KNTC1: variants seen among roughly 807,000 people sequenced by gnomAD.
KNTC1 encodes kinetochore associated 1, also known as kinetochore-associated protein 1.
In KNTC1, 253 loss-of-function variants were observed where a neutral mutation model predicts 314.4. The observed-to-expected ratio is 0.80, with a 90% CI of 0.73 to 0.89. The LOEUF (loss-of-function observed/expected upper bound fraction) is 0.89. KNTC1 is among the 40% of genes least tolerant of loss of function. KNTC1 has a pLI of 0.00. For missense variants in KNTC1, 2,475 were observed against 2,572.9 expected (o/e 0.96, Z 0.82); for synonymous variants, 901 against 901.4 (o/e 1.00, Z 0.01).
chr12:122,590,338 A>C (rs1165119199), intron 40 of KNTC1, among the ~76,000 whole-genome samples: 5 of 152,262 alleles, frequency 3.3e-5, no homozygotes, highest in South Asian at 4.1e-4. Flanking sequence ...TACTCTTCAG[A>C]TAGTCATAAA....
rs527785528 is a variant in KNTC1, at chr12:122,570,127, G to A, written c.1860+303G>A. ...CAAAACAATTTAACTCACGGCCATA[G>A]AGAGTAGGAGGATGGTTACCAGAGG... On this transcript the variant is annotated intron_variant, in intron 22 of 63. Coordinates refer to ENST00000333479, the MANE Select transcript of KNTC1 (RefSeq NM_014708.6). Among the ~76,000 whole-genome samples the A allele has an allele frequency of 1.3e-5, 2 of 152,290 alleles. 1 individual carries two copies. Among genetic ancestry groups the A allele is most frequent in the South Asian group, 4.1e-4 (2 of 4,828 alleles).
At chr12:122,530,942 C>T (rs1593466618) in intron 2 of KNTC1, among the ~76,000 whole-genome samples, 1 of 152,160 alleles carries the variant, frequency 6.6e-6, no homozygotes, top group South Asian at 2.1e-4. Context: ...ACCATTCTTG[C>T]TTCATGCCTG....
intron 45 of KNTC1, 158 bp from the exon 46 acceptor site, chr12:122,602,411 A>G (rs1191800747): frequency 1.9e-6 from 1 of 539,822 alleles, no homozygotes; most frequent in East Asian, 3.0e-5. Flanking sequence ...GTTTAGATGA[A>G]TAATGTTAAA....
rs1345089149 is a variant in KNTC1 at position 122,603,013 on chromosome 12, CCTTTT to C, written c.4885-9_4885-5del. 3.1e-6 allele frequency: 5 copies of C among 1,609,852 alleles called. No homozygotes were observed. Among genetic ancestry groups the C allele is most frequent in the Non-Finnish European group, 4.2e-6 (5 of 1,177,234 alleles). On this transcript the variant is annotated splice_polypyrimidine_tract_variant and intron_variant, in intron 47 of 63. Coordinates refer to ENST00000333479, the MANE Select transcript of KNTC1 (RefSeq NM_014708.6). ...GAATATGTGCTTCAGCCATAACCTT[CCTTTT>C]CTTTGAAGTTCTCTCTGGACACTCT...
chr12:122,618,740 C>G (rs1205214886), intron 59 of KNTC1, among the ~76,000 whole-genome samples, 195 bp downstream of exon 59: 2 of 152,026 alleles, frequency 1.3e-5, no homozygotes, highest in African/African-American at 4.8e-5. Context: ...ACAACCTCGG[C>G]TCACTGCACC....
intron 3 of KNTC1, among the ~76,000 whole-genome samples, chr12:122,537,375 C>G (rs559969052): frequency 6.6e-6 from 1 of 152,190 alleles, no homozygotes; most frequent in South Asian, 2.1e-4. Flanking sequence ...CTATCACCTT[C>G]TTACATGTCT....
chr12:122,559,894 T>A (rs1361561979), intron 18 of KNTC1, among the ~76,000 whole-genome samples: 1 of 152,154 alleles, frequency 6.6e-6, no homozygotes, highest in Admixed American at 6.6e-5. Context: ...CATTTTTAAA[T>A]TTAATGGTAT....
At chr12:122,539,548 G>T in intron 4 of KNTC1, 128 bp from the exon 5 acceptor site, 1 of 627,868 alleles carries the variant, frequency 1.6e-6, no homozygotes, top group Non-Finnish European at 2.6e-6. Context: ...CATTTTAAAA[G>T]TAAGATGTTT....
intron 31 of KNTC1, among the ~76,000 whole-genome samples, chr12:122,578,095 A>G (rs1439239071): frequency 1.3e-5 from 2 of 152,232 alleles, no homozygotes; most frequent in African/African-American, 2.4e-5. Context: ...TTTGTGTTAT[A>G]TAGGACATAA....
At chr12:122,547,654 G>T (rs912143199) in intron 11 of KNTC1, 124 bp downstream of exon 11, 3 of 704,898 alleles carry the variant, frequency 4.3e-6, no homozygotes, top group Non-Finnish European at 7.0e-6. Flanking sequence ...GTCTGACAGA[G>T]TAAAGACCGT....
chr12:122,614,921 A>G (rs1419741134), intron 55 of KNTC1, 70 bp from the exon 56 acceptor site: 3 of 1,082,890 alleles, frequency 2.8e-6, no homozygotes, highest in South Asian at 1.4e-5. Context: ...AAGCTGCCCT[A>G]CTTTTCCAAA....
Position 122,551,308 on chromosome 12 carries a change from TG to T in KNTC1, c.1087-10del. On this transcript the variant is annotated splice_polypyrimidine_tract_variant and intron_variant, in intron 13 of 63. Coordinates refer to ENST00000333479, the MANE Select transcript of KNTC1 (RefSeq NM_014708.6). ...TATTGGAATTTTAATCATGTTTTTT[TG>T]TTATTGTAGGATACCATATACCTTT... is the stretch of plus-strand genomic sequence containing the variant. 1 of 1,509,834 alleles carries T rather than the reference TG, an allele frequency of 6.6e-7. No homozygotes were observed. Among genetic ancestry groups the T allele is most frequent in the Non-Finnish European group, 9.1e-7 (1 of 1,097,932 alleles). The allele number at this position is 1,509,834 out of a possible 1,614,324, so 93.5% of individuals were successfully genotyped here.
chr12:122,581,186 G>T, intron 33 of KNTC1, among the ~76,000 whole-genome samples: 1 of 148,838 alleles, frequency 6.7e-6, no homozygotes. Flanking sequence ...TTTTTGTTAT[G>T]TTGTGTTATT....
At chr12:122,540,053 G>A (rs142636459) in intron 5 of KNTC1, among the ~76,000 whole-genome samples, 1,606 of 151,872 alleles carry the variant, frequency 0.011, 28 homozygotes, top group African/African-American at 0.037. Flanking sequence ...CAAAGTGCTG[G>A]GATTACAGGC....
chr12:122,585,491 T>C (rs140721718), intron 36 of KNTC1, 145 bp from the exon 37 acceptor site: 9,317 of 790,440 alleles, frequency 0.012, 87 homozygotes, highest in Middle Eastern at 0.043. Flanking sequence ...TTTCAAAACA[T>C]TGGGCCTCCA....
In KNTC1 at chr12:122,588,705, C is replaced by T. The variant is rs1210425700; in HGVS notation, c.3895-7C>T. The T allele has an allele frequency of 1.3e-6, 2 of 1,489,926 alleles. No homozygotes were observed. The highest frequency in any genetic ancestry group is 2.6e-5 in the Admixed American group (1 of 37,778). The allele number at this position is 1,489,926 out of a possible 1,614,324, so 92.3% of individuals were successfully genotyped here. A position where few individuals can be genotyped will look rare whatever the true frequency, so the allele number is the denominator to read the frequency against. On this transcript the variant is annotated splice_region_variant and splice_polypyrimidine_tract_variant and intron_variant, in intron 39 of 63. Transcript: ENST00000333479. ...GACCTAAATATTTTTTTCTTCTTTT[C>T]TAAAAGTTATTTGGAGAGACTACAT...
intron 12 of KNTC1, 124 bp downstream of exon 12, chr12:122,548,093 C>T: frequency 1.8e-6 from 1 of 556,898 alleles, no homozygotes; most frequent in Non-Finnish European, 3.1e-6. Flanking sequence ...ACTTGACAAT[C>T]AGAAATAAAC....
At position 122,569,824 on chromosome 12, in the gene KNTC1, G is replaced by A; in HGVS notation, c.1860G>A (p.Gln620=). The A allele has an allele frequency of 6.2e-7, 1 of 1,604,836 alleles. No individual in the cohort carries two copies. The highest frequency in any genetic ancestry group is 8.5e-7 in the Non-Finnish European group (1 of 1,176,888). ...TAAGAAGGACTGTGCCTGAAGGACA[G>A]GTGAGTTGTCTTCAGTATTTCCACT... The part of the protein sequence containing the change: ...PFVRRTVPEG[Q]IILAKWLEQA... Residue 620 remains glutamine (Q), a splice_region_variant and synonymous_variant, in exon 22 of 64, where the codon CAG becomes CAA. Transcript: ENST00000333479.
chr12:122,582,762 G>A lies in KNTC1; in HGVS notation c.3040G>A (p.Asp1014Asn). 3 of 1,612,564 alleles carry A rather than the reference G, an allele frequency of 1.9e-6. No individual in the cohort carries two copies. The highest frequency in any genetic ancestry group is 1.1e-5 in the South Asian group (1 of 90,894). ...EDYSNSSLVA[D>N]LREQHIKAHE... The stretch of plus-strand genomic sequence containing the variant: ...TTATAGCAATAGTTCCCTGGTAGCA[G>A]ATCTCCGTGAGCAGCACATTAAAGC... Residue 1014 changes from aspartate (D) to asparagine (N), a missense_variant, in exon 34 of 64, where the codon GAT (aspartate) becomes AAT (asparagine). Coordinates refer to ENST00000333479, the MANE Select transcript of KNTC1 (RefSeq NM_014708.6).
Sources: gnomAD v4.1 joint callset for allele counts (sites outside exome capture counted in the v4.1 genomes callset) on GRCh38, gnomAD v4.1.1 for gene constraint, MANE v1.5 for transcripts, NCBI Gene and HGNC (gene_info 2026-07-23, HGNC 2026-07-21) for gene names.